The following EPHA7 variants were observed in gnomAD, a reference collection of about 807,000 sequenced individuals.
EPHA7 encodes the protein ephrin type-A receptor 7.
In EPHA7, 25 loss-of-function variants were observed where a neutral mutation model predicts 112.6. The observed-to-expected ratio is 0.22, with a 90% CI of 0.16 to 0.31. EPHA7 has a LOEUF of 0.31. Ranked by LOEUF, EPHA7 falls within the 10% of genes least tolerant of loss-of-function variation. The pLI is 1.00. For synonymous variants in EPHA7, 437 were observed against 406.5 expected (o/e 1.07, Z -0.90); for missense variants, 962 against 1,212.6 (o/e 0.79, Z 3.07).
intron 5 of EPHA7, among the ~76,000 whole-genome samples, chr6:93,282,140 GTATT>G (rs1328232352): frequency 6.6e-6 from 1 of 152,050 alleles, no homozygotes; most frequent in African/African-American, 2.4e-5. Flanking sequence ...AGTAAATCAT[GTATT>G]TAAACAATAT....
chr6:93,394,300 T>C (rs1302612005), intron 3 of EPHA7, among the ~76,000 whole-genome samples: 5 of 151,694 alleles, frequency 3.3e-5, no homozygotes, highest in East Asian at 1.9e-4. Context: ...ACCTTTTATA[T>C]ATATATATCA....
intron 5 of EPHA7, among the ~76,000 whole-genome samples, chr6:93,301,132 C>A (rs1279250386): frequency 6.6e-6 from 1 of 152,146 alleles, no homozygotes; most frequent in Non-Finnish European, 1.5e-5. Context: ...ATCTCTCATA[C>A]AGGTGATGAA....
At chr6:93,275,970 C>G (rs1307936512) in intron 5 of EPHA7, among the ~76,000 whole-genome samples, 2 of 151,908 alleles carry the variant, frequency 1.3e-5, no homozygotes, top group Admixed American at 6.6e-5. Flanking sequence ...CCCTCTACCC[C>G]CTGCCAACAG....
rs541466773 is a variant in EPHA7, at chr6:93,383,127, A to T, written c.833-24716T>A. 1.6e-4 allele frequency among the ~76,000 whole-genome samples: 25 copies of T among 152,162 alleles called. No homozygotes were observed. In the East Asian group the frequency reaches 3.3e-3, roughly 20 times the overall value. On this transcript the variant is annotated intron_variant, in intron 3 of 16. Coordinates refer to ENST00000369303, the MANE Select transcript of EPHA7 (RefSeq NM_004440.4). ...TAATTCAAACATAAACTCTCATGCTACCCAATAATTAACACTTACCAAGCA... is the reference window on the plus strand; with the variant it reads ...TAATTCAAACATAAACTCTCATGCTTCCCAATAATTAACACTTACCAAGCA...
chr6:93,367,841 T>C (rs1776592818), intron 3 of EPHA7, among the ~76,000 whole-genome samples: 1 of 152,170 alleles, frequency 6.6e-6, no homozygotes, highest in Non-Finnish European at 1.5e-5. Context: ...ATTAGTTAAG[T>C]ACTGTGACTA....
Position 93,348,588 on chromosome 6 carries a change from C to A in EPHA7, c.1324+8129G>T, listed in dbSNP as rs145257159. On this transcript the variant is annotated intron_variant, in intron 5 of 16. Transcript: ENST00000369303. ...TTTGTTTAAAATTCCTGTGTAAATACCACATTATGGCTGTAAACAGTTTAA... is the reference window on the plus strand; with the variant it reads ...TTTGTTTAAAATTCCTGTGTAAATAACACATTATGGCTGTAAACAGTTTAA... 1.8e-3 allele frequency among the ~76,000 whole-genome samples: 279 copies of A among 151,690 alleles called. 9 individuals carry two copies. The East Asian group carries it at 0.045, about 25-fold the overall frequency.
At chr6:93,309,422 G>A (rs889687182) in intron 5 of EPHA7, among the ~76,000 whole-genome samples, 4 of 151,758 alleles carry the variant, frequency 2.6e-5, no homozygotes, top group Admixed American at 2.6e-4. Flanking sequence ...AGTCATCCAA[G>A]TTCTAAAATA....
chr6:93,341,916 G>T (rs1775157568), intron 5 of EPHA7, among the ~76,000 whole-genome samples: 1 of 151,702 alleles, frequency 6.6e-6, no homozygotes, highest in Non-Finnish European at 1.5e-5. Flanking sequence ...ATATCTAAGA[G>T]AAAAAATTCA....
chr6:93,246,622 T>A (rs2127846526), intron 15 of EPHA7, among the ~76,000 whole-genome samples, 170 bp downstream of exon 15: 1 of 152,284 alleles, frequency 6.6e-6, no homozygotes, highest in South Asian at 2.1e-4. Flanking sequence ...CTAATTAAGG[T>A]AAGCCTAACT....
intron 3 of EPHA7, among the ~76,000 whole-genome samples, chr6:93,377,233 C>T (rs75099635): frequency 1.4e-3 from 217 of 152,166 alleles, no homozygotes; most frequent in African/African-American, 4.9e-3. Context: ...ATATGCCTTC[C>T]ATAACAAAGA....
intron 3 of EPHA7, among the ~76,000 whole-genome samples, chr6:93,400,272 A>G (rs1484075661): frequency 6.6e-6 from 1 of 152,116 alleles, no homozygotes; most frequent in Non-Finnish European, 1.5e-5. Flanking sequence ...TATTTTCTAT[A>G]TGAGAACTAG....
At chr6:93,340,063 C>T (rs1420414021) in intron 5 of EPHA7, among the ~76,000 whole-genome samples, 2 of 151,538 alleles carry the variant, frequency 1.3e-5, no homozygotes, top group Non-Finnish European at 3.0e-5. Flanking sequence ...GTTAATAAGC[C>T]ACAAACTCTT....
At chr6:93,386,435 G>A (rs1407402884) in intron 3 of EPHA7, among the ~76,000 whole-genome samples, 4 of 152,176 alleles carry the variant, frequency 2.6e-5, no homozygotes, top group Admixed American at 2.6e-4. Context: ...TTGACTCTAT[G>A]TCTCACATTC....
chr6:93,308,233 C>T (rs1027015580), intron 5 of EPHA7, among the ~76,000 whole-genome samples: 1 of 152,084 alleles, frequency 6.6e-6, no homozygotes, highest in Non-Finnish European at 1.5e-5. Flanking sequence ...GTCAGCATCC[C>T]CTCTTGCTCG....
chr6:93,394,276 C>A lies in EPHA7; in HGVS notation c.832+16225G>T, dbSNP rs114193439. ...TGCATATCTTTTATAAACAAAGCTA[C>A]AACTCAAATACGCACCTTTTATATA... On this transcript the variant is annotated intron_variant, in intron 3 of 16. Coordinates refer to ENST00000369303, the MANE Select transcript of EPHA7 (RefSeq NM_004440.4). Among the ~76,000 whole-genome samples, 708 of 151,748 alleles carry A rather than the reference C, an allele frequency of 4.7e-3. 3 individuals are homozygous for A. The highest frequency in any genetic ancestry group is 0.016 in the African/African-American group (666 of 41,430).
chr6:93,248,821 C>T (rs1361713568), intron 14 of EPHA7, among the ~76,000 whole-genome samples: 1 of 152,144 alleles, frequency 6.6e-6, no homozygotes, highest in Non-Finnish European at 1.5e-5. Flanking sequence ...TCCTGCCTCA[C>T]ATCCTCTTAT....
chr6:93,243,852 G>A (rs939873151), intron 16 of EPHA7, among the ~76,000 whole-genome samples: 3 of 152,036 alleles, frequency 2.0e-5, no homozygotes, highest in Non-Finnish European at 4.4e-5. Flanking sequence ...GTTAGGAAAT[G>A]TTATTTGAAA....
intron 3 of EPHA7, among the ~76,000 whole-genome samples, chr6:93,363,690 C>T (rs1776364323): frequency 6.6e-6 from 1 of 152,142 alleles, no homozygotes; most frequent in South Asian, 2.1e-4. Flanking sequence ...CTACATGACC[C>T]AAGTAGTATA....
Position 93,243,437 on chromosome 6 carries a change from T to C in EPHA7, c.2986A>G (p.Ile996Val). The C allele has an allele frequency of 6.2e-7, 1 of 1,612,824 alleles. No individual in the cohort carries two copies. The highest frequency in any genetic ancestry group is 1.1e-5 in the South Asian group (1 of 91,058). ...GGGAGAAATGCATATCACACTTGAA[T>C]GCCAGTTCCATGTAAATGTAGCATT... The part of the protein sequence containing the change: ...AQMLHLHGTG[I>V]QV Residue 996 changes from isoleucine to valine, a missense_variant, in exon 17 of 17, where the codon ATT becomes GTT. Ile to Val is a conservative substitution (Grantham distance 29). Transcript: ENST00000369303.
Sources: allele counts gnomAD v4.1 joint callset (sites outside exome capture counted in the v4.1 genomes callset), GRCh38; gene constraint gnomAD v4.1.1; transcripts MANE v1.5; gene names NCBI Gene and HGNC (gene_info 2026-07-23, HGNC 2026-07-21).